FHAD1: variants seen among roughly 807,000 people sequenced by gnomAD.
FHAD1 encodes the protein forkhead-associated domain-containing protein 1.
Under a neutral mutation model 191.3 loss-of-function variants are expected in FHAD1, and 146 were observed. That is an observed-to-expected ratio of 0.76 (90% CI 0.67 to 0.88). The LOEUF (loss-of-function observed/expected upper bound fraction) is 0.88, where lower values mean the gene tolerates loss of function less well. FHAD1 is among the 40% of genes least tolerant of loss of function. The probability of loss-of-function intolerance (pLI) is 0.00; values close to 1 mark genes in which losing one functional copy is unlikely to be tolerated. For missense variants in FHAD1, 1,635 were observed against 1,785.8 expected (o/e 0.92, Z 1.52); for synonymous variants, 616 against 672.3 (o/e 0.92, Z 1.29).
intron 3 of FHAD1, among the ~76,000 whole-genome samples, chr1:15,277,335 C>T (rs537999853): frequency 2.0e-4 from 31 of 152,306 alleles, no homozygotes; most frequent in East Asian, 1.2e-3. Flanking sequence ...CTTTGGAGTA[C>T]GATAGACTGA....
intron 20 of FHAD1, 200 bp from the exon 21 acceptor site, chr1:15,357,910 G>A (rs976822952): frequency 2.0e-6 from 1 of 489,984 alleles, no homozygotes; most frequent in African/African-American, 2.0e-5. Context: ...ATCACAAGGA[G>A]ACAGATCTCC....
At chr1:15,241,384 G>A (rs1342834812) in intron 1 of FHAD1, among the ~76,000 whole-genome samples, 1 of 152,234 alleles carries the variant, frequency 6.6e-6, no homozygotes. Flanking sequence ...GCCAGGCGCA[G>A]TGGCTCACGC....
At chr1:15,260,695 C>T (rs901861656) in intron 2 of FHAD1, among the ~76,000 whole-genome samples, 8 of 152,270 alleles carry the variant, frequency 5.3e-5, no homozygotes, top group African/African-American at 1.9e-4. Flanking sequence ...AAACCAGCAA[C>T]AATGGTTCTA....
At chr1:15,242,925 T>C (rs10927746), upstream of FHAD1, among the ~76,000 whole-genome samples, 94,356 of 152,074 alleles carry the variant, frequency 0.62, 30,177 homozygotes, top group East Asian at 0.95. Context: ...ATAAAATGGA[T>C]TGTTGTATAC....
chr1:15,324,078 C>G (rs1677339606), intron 10 of FHAD1, among the ~76,000 whole-genome samples: 1 of 152,194 alleles, frequency 6.6e-6, no homozygotes, highest in African/African-American at 2.4e-5. Context: ...CTATTCCAAA[C>G]TTTTTAAAAT....
intron 2 of FHAD1, among the ~76,000 whole-genome samples, chr1:15,265,259 T>C (rs915540838): frequency 6.6e-6 from 1 of 152,176 alleles, no homozygotes; most frequent in African/African-American, 2.4e-5. Flanking sequence ...GTTTTGCAGA[T>C]TAAATGAGGG....
At chr1:15,277,656 C>G (rs1341746662) in intron 3 of FHAD1, among the ~76,000 whole-genome samples, 1 of 152,186 alleles carries the variant, frequency 6.6e-6, no homozygotes, top group Non-Finnish European at 1.5e-5. Flanking sequence ...GCCAGCCTGC[C>G]ACTTCACATG....
chr1:15,322,325 A>C (rs1676598064), intron 10 of FHAD1, among the ~76,000 whole-genome samples: 1 of 152,218 alleles, frequency 6.6e-6, no homozygotes, highest in Admixed American at 6.5e-5. Context: ...ATTTTGCCAA[A>C]CATTTCATCT....
chr1:15,328,052 AG>A (rs200869427), intron 12 of FHAD1: 2 of 306,894 alleles, frequency 6.5e-6, no homozygotes. Context: ...AAAAAAGAAA[AG>A]AAAAAAGAAA....
intron 22 of FHAD1, among the ~76,000 whole-genome samples, chr1:15,361,702 G>C (rs577035718): frequency 2.0e-5 from 3 of 152,028 alleles, no homozygotes; most frequent in Non-Finnish European, 1.5e-5. Context: ...AGGTCAGAGG[G>C]AGGGTGTCTG....
chr1:15,366,557 A>T (rs996835991), intron 24 of FHAD1, among the ~76,000 whole-genome samples: 5 of 152,232 alleles, frequency 3.3e-5, no homozygotes, highest in African/African-American at 1.2e-4. Context: ...AAAGGCTTGG[A>T]GGGCAATCCT....
Position 15,296,617 on chromosome 1 carries a change from A to G in FHAD1, c.569-67A>G, listed in dbSNP as rs189421254. ...GAAACAAACAGGAAGGCTAACGTGA[A>G]CATCTTCTTCAGGCCTCAGGGAAAC... is the stretch of plus-strand genomic sequence containing the variant. On this transcript the variant is annotated intron_variant, in intron 4 of 33. Coordinates refer to ENST00000688493, the MANE Select transcript of FHAD1 (RefSeq NM_001391957.1). The G allele has an allele frequency of 5.4e-3, 7,069 of 1,312,966 alleles. 22 individuals are homozygous for G. The highest frequency in any genetic ancestry group is 6.6e-3 in the Non-Finnish European group (6,165 of 929,474). 81.3% of individuals were successfully genotyped at this position (1,312,966 alleles called of 1,614,324 possible). A position where few individuals can be genotyped will look rare whatever the true frequency, so the allele number is the denominator to read the frequency against.
At chr1:15,328,077 T>TTCTGGGAC in intron 12 of FHAD1, 200 bp from the exon 13 acceptor site, 1 of 388,408 alleles carries the variant, frequency 2.6e-6, no homozygotes, top group Non-Finnish European at 4.6e-6. Flanking sequence ...GAATCTCTGA[T>TTCTGGGAC]TCTGGGACTC....
Position 15,272,739 on chromosome 1 carries a change from A to G in FHAD1, c.300+210A>G, listed in dbSNP as rs536563663. On this transcript the variant is annotated intron_variant, in intron 3 of 33. Transcript: ENST00000688493. Reference sequence around the variant, plus strand: ...AGAATCTTAGCACCCTCTTCTGGGCATTTCTTGGAGTTGCATCTTGGCTCA... The same window carrying G: ...AGAATCTTAGCACCCTCTTCTGGGCGTTTCTTGGAGTTGCATCTTGGCTCA... 3.5e-4 allele frequency among the ~76,000 whole-genome samples: 54 copies of G among 152,282 alleles called. No homozygotes were observed. The South Asian group carries it at 4.1e-3, about 12-fold the overall frequency.
chr1:15,244,187 A>C (rs978357798), upstream of FHAD1, among the ~76,000 whole-genome samples: 1 of 152,276 alleles, frequency 6.6e-6, no homozygotes, highest in South Asian at 2.1e-4. This position sits in a 1 kb window ranked among gnomAD's most constrained non-coding sequence, Gnocchi z 5.1. Context: ...TTTTGAAATG[A>C]AAATGGATGA....
chr1:15,318,063 C>T lies in FHAD1; in HGVS notation c.1365+135C>T, dbSNP rs1675051851. The T allele has an allele frequency of 3.3e-6, 2 of 607,444 alleles. No individual in the cohort carries two copies. The highest frequency in any genetic ancestry group is 1.9e-5 in the African/African-American group (1 of 53,094). The allele number at this position is 607,444 out of a possible 1,614,324, so 37.6% of individuals were successfully genotyped here. A position where few individuals can be genotyped will look rare whatever the true frequency, so the allele number is the denominator to read the frequency against. On this transcript the variant is annotated intron_variant, in intron 10 of 33. Coordinates refer to ENST00000688493, the MANE Select transcript of FHAD1 (RefSeq NM_001391957.1). The surrounding 1 kb of genome is among the most constrained non-coding windows in gnomAD (Gnocchi z 4.1). ...GAGAAAACTGAGGCTCACACAGGGA[C>T]AGGGACCAGGTTCACTGCATAAAGT...
chr1:15,339,662 C>A, intron 15 of FHAD1, 111 bp downstream of exon 15: 1 of 378,642 alleles, frequency 2.6e-6, no homozygotes, highest in South Asian at 2.2e-5. Context: ...GTCCAGTCCA[C>A]ACCCTCCAAT....
intron 18 of FHAD1, among the ~76,000 whole-genome samples, chr1:15,348,705 C>G (rs1456624778): frequency 2.0e-5 from 3 of 152,156 alleles, no homozygotes; most frequent in Admixed American, 6.5e-5. Context: ...CCCCGCTGCT[C>G]CCGGGTGCCC....
chr1:15,252,285 C>T (rs913773418), intron 2 of FHAD1, among the ~76,000 whole-genome samples: 2 of 152,172 alleles, frequency 1.3e-5, no homozygotes, highest in African/African-American at 4.8e-5. Flanking sequence ...CTACAGAGCC[C>T]GGCCGCCCTG....
Sources: gnomAD v4.1 joint callset for allele counts (sites outside exome capture counted in the v4.1 genomes callset) on GRCh38, gnomAD v4.1.1 for gene constraint, Gnocchi (gnomAD v3.1) non-coding constraint, MANE v1.5 for transcripts, NCBI Gene and HGNC (gene_info 2026-07-23, HGNC 2026-07-21) for gene names.